The following DDAH1 variants were observed in gnomAD, a reference collection of about 807,000 sequenced individuals.
DDAH1 encodes the protein N(G),N(G)-dimethylarginine dimethylaminohydrolase 1.
A neutral mutation model predicts 28.8 loss-of-function variants in DDAH1; 19 were observed. That is an observed-to-expected ratio of 0.66 (90% CI 0.46 to 0.97). DDAH1 has a LOEUF of 0.97. Among genes scored for constraint, DDAH1 ranks in the 50% least tolerant of loss-of-function variants. The pLI is 0.00. For missense variants in DDAH1, 326 were observed against 375.9 expected, an observed-to-expected ratio of 0.87 and a Z score of 1.10; for synonymous variants, 153 against 154.4, an observed-to-expected ratio of 0.99 and a Z score of 0.07.
intron 1 of DDAH1, among the ~76,000 whole-genome samples, chr1:85,565,443 A>G (rs1238556276): frequency 6.6e-6 from 1 of 152,144 alleles, no homozygotes; most frequent in Non-Finnish European, 1.5e-5. Context: ...TCTCATGTCA[A>G]TTTCCTGGTT....
intron 1 of DDAH1, among the ~76,000 whole-genome samples, chr1:85,500,416 T>G (rs1013513898): frequency 3.9e-5 from 6 of 152,104 alleles, no homozygotes; most frequent in Admixed American, 1.3e-4. Context: ...TTTGGCTTAT[T>G]TGATAAATCA....
At chr1:85,400,195 T>TC in intron 1 of DDAH1, among the ~76,000 whole-genome samples, 1 of 102,622 alleles carries the variant, frequency 9.7e-6, no homozygotes. Context: ...TTTTTTTTTT[T>TC]TTTTTTTTTT....
chr1:85,490,728 C>T (rs1305245685), intron 2 of DDAH1, among the ~76,000 whole-genome samples: 1 of 152,168 alleles, frequency 6.6e-6, no homozygotes, highest in African/African-American at 2.4e-5. Context: ...AAGATAATGC[C>T]CAAATGTTTA....
At chr1:85,324,963 C>T in intron 4 of DDAH1, 80 bp from the exon 5 acceptor site, 2 of 1,545,606 alleles carry the variant, frequency 1.3e-6, no homozygotes, top group Admixed American at 1.7e-5. Context: ...TGGTAGGATA[C>T]AAGCTTGGAA....
chr1:85,556,035 C>T (rs897668568), intron 1 of DDAH1, among the ~76,000 whole-genome samples: 3 of 151,970 alleles, frequency 2.0e-5, no homozygotes, highest in Non-Finnish European at 1.5e-5. Flanking sequence ...ACAGAAGGCA[C>T]GAACAGGCTG....
At chr1:85,553,961 C>T (rs184820868) in intron 1 of DDAH1, among the ~76,000 whole-genome samples, 1 of 152,326 alleles carries the variant, frequency 6.6e-6, no homozygotes, top group African/African-American at 2.4e-5. Context: ...GAAGCCCAGG[C>T]CTCTGTGCCT....
chr1:85,324,256 TGA>T (rs1340411604), intron 5 of DDAH1, among the ~76,000 whole-genome samples: 2 of 115,748 alleles, frequency 1.7e-5, no homozygotes, highest in Non-Finnish European at 3.7e-5. Flanking sequence ...GGTAACAGAG[TGA>T]GACCCTGTCT....
At chr1:85,427,331 T>G (rs1557616570) in intron 1 of DDAH1, among the ~76,000 whole-genome samples, 1 of 151,858 alleles carries the variant, frequency 6.6e-6, no homozygotes, top group Admixed American at 6.6e-5. Context: ...GAGGGCATTC[T>G]GTACTACAGC....
chr1:85,385,096 C>T (rs1258395416), intron 1 of DDAH1, among the ~76,000 whole-genome samples: 1 of 152,172 alleles, frequency 6.6e-6, no homozygotes, highest in Non-Finnish European at 1.5e-5. Context: ...CTCAGAAGTA[C>T]AAGTAATAAT....
chr1:85,556,020 G>A (rs889026931), intron 1 of DDAH1, among the ~76,000 whole-genome samples: 1 of 152,014 alleles, frequency 6.6e-6, no homozygotes, highest in Non-Finnish European at 1.5e-5. Context: ...TGAGTGGCGG[G>A]TAGAACAGAA....
intron 4 of DDAH1, among the ~76,000 whole-genome samples, chr1:85,337,322 G>C (rs1377572576): frequency 6.6e-6 from 1 of 152,104 alleles, no homozygotes; most frequent in Non-Finnish European, 1.5e-5. Context: ...TATTACAAGT[G>C]CATCTCGTAA....
At chr1:85,531,921 T>C (rs1165382892) in intron 1 of DDAH1, among the ~76,000 whole-genome samples, 7 of 151,904 alleles carry the variant, frequency 4.6e-5, no homozygotes, top group African/African-American at 1.7e-4. Context: ...TACTACTGAA[T>C]AGTGAGTGGT....
intron 1 of DDAH1, among the ~76,000 whole-genome samples, chr1:85,361,291 C>T (rs116791683): frequency 0.03 from 4,546 of 152,202 alleles, 227 homozygotes; most frequent in African/African-American, 0.1. Flanking sequence ...GGAGTTTTTG[C>T]AGGAAAAGAT....
intron 1 of DDAH1, among the ~76,000 whole-genome samples, chr1:85,551,304 T>A (rs1658782074): frequency 6.6e-6 from 1 of 152,192 alleles, no homozygotes. Flanking sequence ...AAACGGATTG[T>A]TAGAAATAAA....
chr1:85,411,094 G>C lies in DDAH1; in HGVS notation c.304-52247C>G, dbSNP rs573008566. 5.9e-5 allele frequency among the ~76,000 whole-genome samples: 9 copies of C among 152,260 alleles called. No individual in the cohort carries two copies. The East Asian group carries it at 1.4e-3, about 23-fold the overall frequency. The stretch of plus-strand genomic sequence containing the variant: ...GGTCCACTGACTGAGTGTCTTGGCG[G>C]GGATCCTGACCAGCTATCTTAGTCT... On this transcript the variant is annotated intron_variant, in intron 1 of 5. Transcript: ENST00000284031.
At chr1:85,391,728 C>G (rs1184632214) in intron 1 of DDAH1, among the ~76,000 whole-genome samples, 1 of 152,214 alleles carries the variant, frequency 6.6e-6, no homozygotes, top group Admixed American at 6.5e-5. Flanking sequence ...ACAACCTAGG[C>G]TGGCCTTTTG....
At chr1:85,491,237 T>A (rs1570604192) in intron 2 of DDAH1, among the ~76,000 whole-genome samples, 1 of 151,898 alleles carries the variant, frequency 6.6e-6, no homozygotes, top group Non-Finnish European at 1.5e-5. Flanking sequence ...TCTGTAGAGA[T>A]GAGGTTTCAC....
intron 1 of DDAH1, among the ~76,000 whole-genome samples, chr1:85,412,181 T>C (rs192390827): frequency 6.6e-6 from 1 of 152,382 alleles, no homozygotes; most frequent in East Asian, 1.9e-4. Context: ...TCTTGTTTAC[T>C]ATAAACTGTC....
At chr1:85,427,765 C>T (rs1557617133) in intron 1 of DDAH1, among the ~76,000 whole-genome samples, 2 of 152,128 alleles carry the variant, frequency 1.3e-5, no homozygotes, top group African/African-American at 2.4e-5. Flanking sequence ...CATTAGGAGC[C>T]CCTGATATTT....
Sources: gnomAD v4.1 joint callset for allele counts (sites outside exome capture counted in the v4.1 genomes callset) on GRCh38, gnomAD v4.1.1 for gene constraint, MANE v1.5 for transcripts, NCBI Gene and HGNC (gene_info 2026-07-23, HGNC 2026-07-21) for gene names.